Variants in ASIC2 observed in about 807,000 individuals in gnomAD.
The protein encoded by ASIC2 is acid-sensing ion channel 2.
In ASIC2, 25 loss-of-function variants were observed where a neutral mutation model predicts 57.3. The observed-to-expected ratio is 0.44, with a 90% CI of 0.32 to 0.61. The LOEUF (loss-of-function observed/expected upper bound fraction) is 0.61, where lower values mean the gene tolerates loss of function less well. ASIC2 is among the 20% of genes least tolerant of loss of function. The pLI, the probability that ASIC2 is intolerant of heterozygous loss-of-function variation, is 0.06. For missense variants in ASIC2, 641 were observed against 738.1 expected (o/e 0.87, Z 1.52); for synonymous variants, 319 against 307.5 (o/e 1.04, Z -0.39).
intron 1 of ASIC2, chr17:33,936,394 G>A (rs921105591): frequency 1.3e-5 from 2 of 152,190 alleles, no homozygotes; most frequent in African/African-American, 4.8e-5. Flanking sequence ...CCACAGCCCA[G>A]GCGAGGTGGT....
chr17:33,759,477 C>A (rs1910715049), intron 1 of ASIC2, among the ~76,000 whole-genome samples: 1 of 152,208 alleles, frequency 6.6e-6, no homozygotes, highest in Non-Finnish European at 1.5e-5. Context: ...GCCAAGGATG[C>A]AGCCTGTTGA....
chr17:34,039,221 A>T (rs1908004798), intron 1 of ASIC2: 3 of 1,613,914 alleles, frequency 1.9e-6, no homozygotes, highest in East Asian at 2.2e-5. Flanking sequence ...TCTAGTGCAG[A>T]TATTTTTTCT....
intron 3 of ASIC2, among the ~76,000 whole-genome samples, chr17:33,037,696 A>T (rs552446924): frequency 1.3e-5 from 2 of 152,352 alleles, no homozygotes; most frequent in Admixed American, 1.3e-4. Flanking sequence ...AAAGATAGAC[A>T]CAAGAATAGT....
chr17:34,007,731 A>G (rs1906574358), intron 1 of ASIC2, among the ~76,000 whole-genome samples: 1 of 152,200 alleles, frequency 6.6e-6, no homozygotes, highest in Non-Finnish European at 1.5e-5. Context: ...CTCCTTCTAG[A>G]GCATGCATGT....
intron 1 of ASIC2, among the ~76,000 whole-genome samples, chr17:33,944,203 G>A (rs988882417): frequency 1.3e-5 from 2 of 152,186 alleles, no homozygotes; most frequent in African/African-American, 4.8e-5. Context: ...ATTTAAGATT[G>A]TTTATTTTCC....
intron 1 of ASIC2, among the ~76,000 whole-genome samples, chr17:33,451,800 G>T (rs527901676): frequency 6.6e-6 from 1 of 152,142 alleles, no homozygotes; most frequent in Non-Finnish European, 1.5e-5. Flanking sequence ...GACCTAGTTT[G>T]TTCTATACCC....
intron 1 of ASIC2, among the ~76,000 whole-genome samples, chr17:33,644,173 G>A (rs1202161990): frequency 6.6e-6 from 1 of 152,162 alleles, no homozygotes; most frequent in Non-Finnish European, 1.5e-5. Context: ...GCTCGGGCAA[G>A]CCTTTCCAGT....
chr17:34,044,328 A>C lies in ASIC2; in HGVS notation c.555+111650T>G, dbSNP rs185226634. On this transcript the variant is annotated intron_variant, in intron 1 of 9. Coordinates refer to the ASIC2 transcript ENST00000359872. ...GGGCCCCAGAGCATCCTTTACATACAGTATTTTAGGCCAATAACATGATTC... is the reference window on the plus strand; with the variant it reads ...GGGCCCCAGAGCATCCTTTACATACCGTATTTTAGGCCAATAACATGATTC... Among the ~76,000 whole-genome samples the C allele has an allele frequency of 6.2e-4, 95 of 152,298 alleles. 1 individual carries two copies. Among genetic ancestry groups the C allele is most frequent in the African/African-American group, 2.0e-3 (83 of 41,560 alleles).
chr17:33,338,479 T>C (rs572535728), intron 1 of ASIC2, among the ~76,000 whole-genome samples: 59 of 151,778 alleles, frequency 3.9e-4, no homozygotes, highest in Non-Finnish European at 6.8e-4. Flanking sequence ...TTTTAAGAAA[T>C]GAGGAGAAGG....
chr17:33,643,149 C>CG (rs1471920925), intron 1 of ASIC2, among the ~76,000 whole-genome samples: 1 of 10,836 alleles, frequency 9.2e-5, no homozygotes, highest in Non-Finnish European at 1.5e-4. Context: ...TGCTCATTTC[C>CG]CCCCCCCCAC....
chr17:33,523,509 G>A (rs934025598), intron 1 of ASIC2, among the ~76,000 whole-genome samples: 3 of 152,028 alleles, frequency 2.0e-5, no homozygotes, highest in South Asian at 2.1e-4. Flanking sequence ...TCCACCCACC[G>A]GGACTCCCAA....
intron 2 of ASIC2, among the ~76,000 whole-genome samples, chr17:33,089,884 T>C (rs1422224085): frequency 1.3e-5 from 2 of 152,196 alleles, no homozygotes; most frequent in African/African-American, 4.8e-5. Context: ...AGAGCCATCA[T>C]CCTAAATGTT....
At chr17:33,879,475 C>A (rs576213560) in intron 1 of ASIC2, among the ~76,000 whole-genome samples, 2 of 152,258 alleles carry the variant, frequency 1.3e-5, no homozygotes, top group Admixed American at 1.3e-4. Flanking sequence ...ATAAAACAGA[C>A]TTTAAATCAA....
chr17:33,427,890 A>G (rs1911273359), intron 1 of ASIC2, among the ~76,000 whole-genome samples: 1 of 152,248 alleles, frequency 6.6e-6, no homozygotes, highest in African/African-American at 2.4e-5. Flanking sequence ...CTGGGCCATA[A>G]AACACACCGT....
At chr17:33,116,559 C>T (rs149398016) in intron 1 of ASIC2, among the ~76,000 whole-genome samples, 203 of 152,168 alleles carry the variant, frequency 1.3e-3, no homozygotes, top group Non-Finnish European at 2.1e-3. Flanking sequence ...TCTAGAATTG[C>T]ACTTAGTTGG....
At chr17:33,492,171 C>A (rs1913782773) in intron 1 of ASIC2, among the ~76,000 whole-genome samples, 1 of 152,226 alleles carries the variant, frequency 6.6e-6, no homozygotes, top group Non-Finnish European at 1.5e-5. Context: ...GTGCGTTATG[C>A]AGCAGGTTCT....
chr17:34,018,322 C>A (rs1292097549), intron 1 of ASIC2, among the ~76,000 whole-genome samples: 1 of 152,168 alleles, frequency 6.6e-6, no homozygotes, highest in Non-Finnish European at 1.5e-5. Context: ...TGCACAAAAA[C>A]AAATATTCCT....
chr17:33,112,357 G>A (rs73982428), intron 1 of ASIC2, among the ~76,000 whole-genome samples: 10,732 of 152,102 alleles, frequency 0.071, 1,253 homozygotes, highest in African/African-American at 0.24. Context: ...TCACTTCCAG[G>A]CATTAAATGT....
intron 1 of ASIC2, among the ~76,000 whole-genome samples, chr17:34,067,849 A>G (rs1181641217): frequency 6.6e-6 from 1 of 152,228 alleles, no homozygotes; most frequent in Non-Finnish European, 1.5e-5. Flanking sequence ...GGAATCTGTA[A>G]TATACAATAT....
Sources: allele counts gnomAD v4.1 joint callset (sites outside exome capture counted in the v4.1 genomes callset), GRCh38; gene constraint gnomAD v4.1.1; transcripts MANE v1.5; gene names NCBI Gene and HGNC (gene_info 2026-07-23, HGNC 2026-07-21).